The following ATP8A2 variants were observed in gnomAD, a reference collection of about 807,000 sequenced individuals.
ATP8A2 encodes the protein phospholipid-transporting ATPase IB.
ATP8A2 carries 100 observed loss-of-function variants against 165.6 expected under a neutral mutation model. That is an observed-to-expected ratio of 0.60 (90% confidence interval 0.51 to 0.71). The LOEUF (loss-of-function observed/expected upper bound fraction) is 0.71. Among genes scored for constraint, ATP8A2 ranks in the 30% least tolerant of loss-of-function variants. The probability of loss-of-function intolerance (pLI) is 0.00; values close to 1 mark genes in which losing one functional copy is unlikely to be tolerated. For synonymous variants in ATP8A2, 543 were observed against 548.8 expected, an observed-to-expected ratio of 0.99 and a Z score of 0.15; for missense variants, 1,227 against 1,479.5, an observed-to-expected ratio of 0.83 and a Z score of 2.80.
At chr13:25,505,504 C>G (rs941336601) in intron 2 of ATP8A2, among the ~76,000 whole-genome samples, 13 of 152,186 alleles carry the variant, frequency 8.5e-5, no homozygotes, top group Non-Finnish European at 1.5e-5. Context: ...CTTCTTAAAA[C>G]ACAACCTGAT....
At chr13:25,559,082 C>T (rs1229679279) in intron 14 of ATP8A2, 21 bp downstream of exon 14, 2 of 1,508,942 alleles carry the variant, frequency 1.3e-6, no homozygotes. Flanking sequence ...TTATCATTTA[C>T]TGAAAATTTA....
At chr13:25,430,301 T>TG (rs1205163206) in intron 1 of ATP8A2, among the ~76,000 whole-genome samples, 3 of 150,944 alleles carry the variant, frequency 2.0e-5, no homozygotes, top group East Asian at 2.0e-4. Context: ...GGGATGGACA[T>TG]GGGGGGGCCC....
intron 2 of ATP8A2, among the ~76,000 whole-genome samples, chr13:25,528,857 C>T: frequency 7.0e-6 from 1 of 143,542 alleles, no homozygotes; most frequent in African/African-American, 2.7e-5. Flanking sequence ...ACATATGCAA[C>T]ATGTGTATGC....
chr13:25,899,154 A>G (rs1051620638), intron 33 of ATP8A2, among the ~76,000 whole-genome samples: 1 of 152,202 alleles, frequency 6.6e-6, no homozygotes, highest in African/African-American at 2.4e-5. Context: ...AGCTGTTCCT[A>G]TTCGGCCATG....
intron 27 of ATP8A2, among the ~76,000 whole-genome samples, chr13:25,783,141 G>A (rs904052593): frequency 9.2e-5 from 14 of 152,040 alleles, no homozygotes; most frequent in Admixed American, 2.0e-4. Context: ...CTGTGGAGAC[G>A]GAGAGCCTGG....
chr13:25,965,212 T>C (rs1278623163), intron 34 of ATP8A2, among the ~76,000 whole-genome samples: 2 of 152,178 alleles, frequency 1.3e-5, no homozygotes, highest in Non-Finnish European at 2.9e-5. Flanking sequence ...CCTTTTCAAG[T>C]ATATTTCTGT....
At chr13:25,774,413 G>A (rs1221082021) in intron 26 of ATP8A2, among the ~76,000 whole-genome samples, 1 of 152,128 alleles carries the variant, frequency 6.6e-6, no homozygotes, top group Non-Finnish European at 1.5e-5. Flanking sequence ...CTGTTGGGGA[G>A]GCAGGGGGAG....
chr13:25,929,889 A>G (rs995301960), intron 33 of ATP8A2, among the ~76,000 whole-genome samples: 3 of 152,034 alleles, frequency 2.0e-5, no homozygotes, highest in African/African-American at 4.8e-5. Context: ...TAATTCCCCT[A>G]TCCCCATGGG....
chr13:25,870,871 A>T (rs1254140452), intron 33 of ATP8A2, among the ~76,000 whole-genome samples: 1 of 152,254 alleles, frequency 6.6e-6, no homozygotes, highest in Non-Finnish European at 1.5e-5. Flanking sequence ...AGGAATAAGC[A>T]GACTTTGTGT....
At chr13:25,725,683 G>A (rs188421341) in intron 25 of ATP8A2, among the ~76,000 whole-genome samples, 2 of 152,268 alleles carry the variant, frequency 1.3e-5, no homozygotes, top group East Asian at 1.9e-4. Flanking sequence ...TTCAAGTGGC[G>A]TGCCTTAGCT....
At chr13:25,412,280 T>TA in intron 1 of ATP8A2, among the ~76,000 whole-genome samples, 1 of 151,966 alleles carries the variant, frequency 6.6e-6, no homozygotes, top group Middle Eastern at 3.4e-3. Flanking sequence ...TAATGATTCC[T>TA]GCAGGATACC....
chr13:25,754,587 A>G (rs1036598179), intron 25 of ATP8A2, among the ~76,000 whole-genome samples: 3 of 152,164 alleles, frequency 2.0e-5, no homozygotes, highest in African/African-American at 7.2e-5. Context: ...GCCCCATGTA[A>G]CTAAGGGAAT....
At chr13:25,425,920 A>G (rs1566123019) in intron 1 of ATP8A2, among the ~76,000 whole-genome samples, 2 of 152,092 alleles carry the variant, frequency 1.3e-5, no homozygotes, top group Admixed American at 1.3e-4. Context: ...AGCTTCCTCT[A>G]TGTCTTTTCA....
intron 1 of ATP8A2, among the ~76,000 whole-genome samples, chr13:25,392,798 G>A (rs1355213743): frequency 4.6e-5 from 7 of 152,082 alleles, no homozygotes; most frequent in African/African-American, 7.2e-5. Flanking sequence ...ATTCTAAGCC[G>A]GGCGTGGTGG....
intron 24 of ATP8A2, among the ~76,000 whole-genome samples, chr13:25,681,973 A>G (rs1301276915): frequency 6.6e-6 from 1 of 152,180 alleles, no homozygotes; most frequent in Non-Finnish European, 1.5e-5. Context: ...ACGGCGTTGG[A>G]CTAGAACCCA....
chr13:25,764,991 GTA>G (rs1435017529), intron 25 of ATP8A2, among the ~76,000 whole-genome samples: 2 of 152,196 alleles, frequency 1.3e-5, no homozygotes, highest in African/African-American at 4.8e-5. Flanking sequence ...CAGGGTTTAT[GTA>G]TATCAGATAA....
chr13:25,835,424 C>T (rs184116828), intron 28 of ATP8A2, among the ~76,000 whole-genome samples: 115 of 152,054 alleles, frequency 7.6e-4, no homozygotes, highest in Non-Finnish European at 1.4e-3. Flanking sequence ...CATCTGATTG[C>T]CTGCTCCCAA....
At chr13:25,555,527 C>A (rs185866060) in intron 13 of ATP8A2, among the ~76,000 whole-genome samples, 11 of 152,280 alleles carry the variant, frequency 7.2e-5, no homozygotes, top group South Asian at 2.1e-4. Context: ...CCCCTGAACT[C>A]CTCTTGCCTT....
At chr13:25,467,623 T>C (rs374893532) in intron 1 of ATP8A2, among the ~76,000 whole-genome samples, 2 of 151,532 alleles carry the variant, frequency 1.3e-5, no homozygotes, top group East Asian at 3.9e-4. Flanking sequence ...CGATCTCAGC[T>C]CACTGCAGGC....
Sources: allele counts gnomAD v4.1 joint callset (sites outside exome capture counted in the v4.1 genomes callset), GRCh38; gene constraint gnomAD v4.1.1; transcripts MANE v1.5; gene names NCBI Gene and HGNC (gene_info 2026-07-23, HGNC 2026-07-21).